SAMD5: variants seen among roughly 807,000 people sequenced by gnomAD.
SAMD5 encodes the protein sterile alpha motif domain-containing protein 5.
Under a neutral mutation model 11.3 loss-of-function variants are expected in SAMD5, and 13 were observed. That is an observed-to-expected ratio of 1.15 (90% CI 0.75 to 1.83). The LOEUF (loss-of-function observed/expected upper bound fraction) is 1.83. SAMD5 is among the 40% of genes most tolerant of loss of function. The probability of loss-of-function intolerance (pLI) is 0.00; values close to 1 mark genes in which losing one functional copy is unlikely to be tolerated. For synonymous variants in SAMD5, 129 were observed against 111.3 expected (o/e 1.16, Z -1.00); for missense variants, 255 against 239.1 (o/e 1.07, Z -0.44).
In SAMD5 at chr6:147,567,915, C is replaced by T. The variant is rs997179543; in HGVS notation, c.*3459C>T. 2.7e-5 allele frequency: 27 copies of T among 985,914 alleles called. No homozygotes were observed. Among genetic ancestry groups the T allele is most frequent in the Middle Eastern group, 5.2e-4 (1 of 1,922 alleles). 61.1% of individuals were successfully genotyped at this position (985,914 alleles called of 1,614,324 possible). On this transcript the variant is annotated 3_prime_UTR_variant, in exon 2 of 2. Transcript: ENST00000367474. ...CATCCTGGGCAACAGAGCAAGATCC[C>T]GTCTCAAAACAAAACAAAACAAAAC...
At chr6:147,861,781 A>ACCCATCCT in the SAMD5 span, among the ~76,000 whole-genome samples, 1 of 152,158 alleles carries the variant, frequency 6.6e-6, no homozygotes, top group African/African-American at 2.4e-5. Flanking sequence ...CCAAGGGAAA[A>ACCCATCCT]TATGCCAAAA....
chr6:147,701,823 T>C (rs1057288549), intron 1 of SAMD5, among the ~76,000 whole-genome samples: 3 of 152,080 alleles, frequency 2.0e-5, no homozygotes, highest in African/African-American at 7.2e-5. Context: ...TTTGGGTAAA[T>C]AGAGCTTGAG....
chr6:147,782,089 T>G, the SAMD5 span, among the ~76,000 whole-genome samples: 1 of 151,352 alleles, frequency 6.6e-6, no homozygotes, highest in African/African-American at 2.4e-5. Flanking sequence ...CATTCCAGTT[T>G]AACCATTCTA....
intron 1 of SAMD5, among the ~76,000 whole-genome samples, chr6:147,603,779 A>G (rs1218878881): frequency 2.0e-5 from 3 of 151,708 alleles, no homozygotes; most frequent in African/African-American, 7.3e-5. Context: ...ATTTCATTAA[A>G]AAACAAAACA....
At chr6:147,782,590 A>G in the SAMD5 span, among the ~76,000 whole-genome samples, 2 of 152,216 alleles carry the variant, frequency 1.3e-5, no homozygotes. Flanking sequence ...GCAGGGGACT[A>G]TCTGATGATT....
chr6:147,573,239 G>T (rs1223809057), downstream of SAMD5, among the ~76,000 whole-genome samples: 1 of 152,150 alleles, frequency 6.6e-6, no homozygotes, highest in Non-Finnish European at 1.5e-5. Context: ...TACTACCTGA[G>T]ACTGGGTGAT....
chr6:147,671,719 T>C (rs998453631), intron 1 of SAMD5, among the ~76,000 whole-genome samples: 1 of 152,150 alleles, frequency 6.6e-6, no homozygotes, highest in Non-Finnish European at 1.5e-5. Context: ...ATTTTGGATC[T>C]TTTTATGTGT....
intron 1 of SAMD5, among the ~76,000 whole-genome samples, chr6:147,611,743 CAG>C (rs1789789674): frequency 1.3e-5 from 2 of 152,116 alleles, no homozygotes; most frequent in African/African-American, 2.4e-5. Flanking sequence ...TTAGGAGGAA[CAG>C]AGACTCCTCA....
intron 1 of SAMD5, among the ~76,000 whole-genome samples, chr6:147,564,027 C>T (rs1242601215): frequency 6.6e-6 from 1 of 152,174 alleles, no homozygotes; most frequent in African/African-American, 2.4e-5. Context: ...TGCTCTAGTA[C>T]TAACGTTGCT....
chr6:147,791,087 G>C, the SAMD5 span, among the ~76,000 whole-genome samples: 1 of 151,938 alleles, frequency 6.6e-6, no homozygotes, highest in African/African-American at 2.4e-5. Context: ...TTGAGGTCAG[G>C]AGTTCGAGAC....
the SAMD5 span, among the ~76,000 whole-genome samples, chr6:147,841,195 T>C: frequency 6.6e-6 from 1 of 152,174 alleles, no homozygotes; most frequent in African/African-American, 2.4e-5. Context: ...TATCTGCGTT[T>C]TGATATCATC....
the SAMD5 span, among the ~76,000 whole-genome samples, chr6:147,798,415 G>A: frequency 1.3e-4 from 20 of 149,628 alleles, no homozygotes; most frequent in East Asian, 5.9e-4. Flanking sequence ...TAGTTTGATC[G>A]CACTGTGGTC....
At chr6:147,938,415 C>G in the SAMD5 span, among the ~76,000 whole-genome samples, 2 of 152,150 alleles carry the variant, frequency 1.3e-5, no homozygotes, top group African/African-American at 4.8e-5. Flanking sequence ...ACAAGGGATG[C>G]TCAATGGAAA....
At chr6:147,734,711 TAAAAAAAAAAAAAAA>T (rs61482319) in intron 1 of SAMD5, among the ~76,000 whole-genome samples, 1,534 of 26,260 alleles carry the variant, frequency 0.058, 113 homozygotes, top group South Asian at 0.46. Context: ...AGACTCCATC[TAAAAAAAAAAAAAAA>T]AAAAAAAAAA....
chr6:147,674,164 C>T (rs1464545919), intron 1 of SAMD5, among the ~76,000 whole-genome samples: 2 of 152,118 alleles, frequency 1.3e-5, no homozygotes, highest in African/African-American at 2.4e-5. Flanking sequence ...TTGTAATTTC[C>T]TAAGTGCTAC....
At chr6:147,723,626 C>T (rs1791585537) in intron 1 of SAMD5, among the ~76,000 whole-genome samples, 2 of 152,154 alleles carry the variant, frequency 1.3e-5, no homozygotes, top group South Asian at 4.1e-4. Flanking sequence ...CTCCTCATGT[C>T]TGGGGCTCCT....
chr6:147,572,467 A>G (rs1789150924), downstream of SAMD5, among the ~76,000 whole-genome samples: 1 of 152,174 alleles, frequency 6.6e-6, no homozygotes, highest in Admixed American at 6.5e-5. Context: ...TTGTGAAAGC[A>G]CACGAAAAAT....
At chr6:147,653,109 TA>T (rs1349032339) in intron 1 of SAMD5, among the ~76,000 whole-genome samples, 1 of 152,152 alleles carries the variant, frequency 6.6e-6, no homozygotes, top group Non-Finnish European at 1.5e-5. Context: ...GATTTGGAAT[TA>T]AAAAAATGAG....
intron 1 of SAMD5, among the ~76,000 whole-genome samples, chr6:147,549,613 C>T (rs564879534): frequency 6.6e-6 from 1 of 152,166 alleles, no homozygotes; most frequent in East Asian, 1.9e-4. Flanking sequence ...CGGTTTTGGG[C>T]TTTCCTTCTT....
Sources: allele counts gnomAD v4.1 joint callset (sites outside exome capture counted in the v4.1 genomes callset), GRCh38; gene constraint gnomAD v4.1.1; transcripts MANE v1.5; gene names NCBI Gene and HGNC (gene_info 2026-07-23, HGNC 2026-07-21).